The following CABLES2 variants were observed in gnomAD, a reference collection of about 807,000 sequenced individuals.
CABLES2 encodes the protein CDK5 and ABL1 enzyme substrate 2.
CABLES2 carries 35 observed loss-of-function variants against 44.8 expected under a neutral mutation model. That is an observed-to-expected ratio of 0.78 (90% confidence interval 0.60 to 1.04). The LOEUF is 1.04. Ranked by LOEUF, CABLES2 falls within the 50% of genes least tolerant of loss-of-function variation. The pLI is 0.00. For synonymous variants in CABLES2, 282 were observed against 281.1 expected, an observed-to-expected ratio of 1.00 and a Z score of -0.03; for missense variants, 566 against 615.7, an observed-to-expected ratio of 0.92 and a Z score of 0.85.
At position 62,391,851 on chromosome 20, in the gene CABLES2, G is replaced by A. The variant is rs542951270; in HGVS notation, c.1092-398C>T. 1.1e-4 allele frequency among the ~76,000 whole-genome samples: 16 copies of A among 152,110 alleles called. No individual in the cohort carries two copies. The highest frequency in any genetic ancestry group is 2.2e-4 in the African/African-American group (9 of 41,426). ...CCTCTGGAACACTGGGGCAGAGGCC[G>A]GCAGGGCAGGCCCCCAGTACAGGGC... On this transcript the variant is annotated intron_variant, in intron 8 of 9. Coordinates refer to ENST00000279101, the MANE Select transcript of CABLES2 (RefSeq NM_031215.3). The surrounding 1 kb of genome is among the most constrained non-coding windows in gnomAD (Gnocchi z 5.7).
Position 62,393,561 on chromosome 20 carries a change from G to T in CABLES2, c.759C>A (p.Val253=), listed in dbSNP as rs1020581039. The change falls in exon 6 of 10, where the codon GTC becomes GTA. Residue 253 remains valine (V), a synonymous_variant. Transcript: ENST00000279101. ...GGCCATGGCTGTCACTCTTGTGTGT[G>T]ACCAGGGCGTTGGTGGGATACAGGA... ...AKFLYPTNAL[V]THKSDSHGLL... is the part of the protein sequence containing the mutation. 2 of 1,611,550 alleles carry T rather than the reference G, an allele frequency of 1.2e-6. No homozygotes were observed. Among genetic ancestry groups the T allele is most frequent in the Non-Finnish European group, 8.5e-7 (1 of 1,178,670 alleles).
In CABLES2 at chr20:62,407,062, G is replaced by C. The variant is rs184691263; in HGVS notation, c.215C>G (p.Pro72Arg). The C allele has an allele frequency of 0.18, 195,080 of 1,080,170 alleles. 18,750 individuals are homozygous for C. The highest frequency in any genetic ancestry group is 0.2 in the Non-Finnish European group (175,756 of 891,124). The allele number at this position is 1,080,170 out of a possible 1,614,324, so 66.9% of individuals were successfully genotyped here. The change falls in exon 1 of 10, where the codon CCG becomes CGG. Residue 72 changes from proline (P) to arginine (R), a missense_variant. Physicochemically the swap from Pro to Arg is moderately radical, Grantham distance 103. Coordinates refer to ENST00000279101, the MANE Select transcript of CABLES2 (RefSeq NM_031215.3). ...PSLGPGGEKP[P>R]PPPAEAREPP... ...TTCGCGGGCCTCGGCGGGCGGCGGC[G>C]GGGGCTTCTCTCCGCCCGGGCCCAG...
chr20:62,394,718 C>T lies in CABLES2; in HGVS notation c.605+219G>A, dbSNP rs150122764. Among the ~76,000 whole-genome samples, 597 of 152,348 alleles carry T rather than the reference C, an allele frequency of 3.9e-3. 5 individuals carry two copies. The highest frequency in any genetic ancestry group is 0.014 in the African/African-American group (570 of 41,578). ...AGCCCAGCCACCTGTACATCGACAG[C>T]GTGAACAGAAACCGGCTCCTCTGGA... is the stretch of plus-strand genomic sequence containing the variant. On this transcript the variant is annotated intron_variant, in intron 4 of 9. Transcript: ENST00000279101.
At chr20:62,403,051 G>A (rs894666372) in intron 1 of CABLES2, 3 of 152,280 alleles carry the variant, frequency 2.0e-5, no homozygotes, top group Non-Finnish European at 2.9e-5. Flanking sequence ...GAAGCATCTC[G>A]GCACACACCC....
In CABLES2 at chr20:62,404,455, A is replaced by C. The variant is rs561257936; in HGVS notation, c.362+2460T>G. ...GACCAACATCAGGGCTGCCTTCAGG[A>C]CTTTCAGAATTCTCTCCATTTCCTG... On this transcript the variant is annotated intron_variant, in intron 1 of 9. Transcript: ENST00000279101. 6 of 152,444 alleles carry C rather than the reference A, an allele frequency of 3.9e-5. No homozygotes were observed. The East Asian group carries it at 1.2e-3, about 29-fold the overall frequency. The allele number at this position is 152,444 out of a possible 1,614,324, so 9.4% of individuals were successfully genotyped here. A position where few individuals can be genotyped will look rare whatever the true frequency, so the allele number is the denominator to read the frequency against.
Position 62,393,573 on chromosome 20 carries a change from G to A in CABLES2, c.747C>T (p.Thr249=). ...VVSYAKFLYP[T]NALVTHKSDS... ...CACTCTTGTGTGTGACCAGGGCGTT[G>A]GTGGGATACAGGAACTTCGCATAAG... is the stretch of plus-strand genomic sequence containing the variant. The change falls in exon 6 of 10, where the codon ACC becomes ACT. Residue 249 remains threonine, a synonymous_variant. Coordinates refer to ENST00000279101, the MANE Select transcript of CABLES2 (RefSeq NM_031215.3). 1 of 1,608,656 alleles carries A rather than the reference G, an allele frequency of 6.2e-7. No individual in the cohort carries two copies. The highest frequency in any genetic ancestry group is 1.1e-5 in the South Asian group (1 of 90,394).
chr20:62,392,580 T>A, intron 7 of CABLES2, 85 bp from the exon 8 acceptor site: 3 of 1,029,430 alleles, frequency 2.9e-6, no homozygotes, highest in Non-Finnish European at 4.6e-6. Flanking sequence ...TTTCTCACTG[T>A]CCTGGGTTTG....
At chr20:62,395,477 G>C (rs1220820748) in intron 3 of CABLES2, among the ~76,000 whole-genome samples, 1 of 152,260 alleles carries the variant, frequency 6.6e-6, no homozygotes, top group Non-Finnish European at 1.5e-5. Flanking sequence ...GCCTGATCCA[G>C]GTCCACAGAG....
At chr20:62,397,980 ATGG>A (rs1569017266) in intron 1 of CABLES2, among the ~76,000 whole-genome samples, 1 of 97,018 alleles carries the variant, frequency 1.0e-5, no homozygotes, top group Middle Eastern at 4.9e-3. Flanking sequence ...GACAGTGGTG[ATGG>A]CGGTGGTGGT....
chr20:62,392,632 G>C, intron 7 of CABLES2, 137 bp from the exon 8 acceptor site: 1 of 707,840 alleles, frequency 1.4e-6, no homozygotes, highest in Non-Finnish European at 2.5e-6. Flanking sequence ...CCGAATCTCT[G>C]AGAACAAAAT....
rs1988105836 is a variant in CABLES2, at chr20:62,398,185, TGATGGTG to T, written c.363-1600_363-1594del. Among the ~76,000 whole-genome samples the T allele has an allele frequency of 7.9e-5, 6 of 75,638 alleles. No individual in the cohort carries two copies. The East Asian group carries it at 1.0e-3, about 13-fold the overall frequency. The allele number at this position is 75,638 out of a possible 152,430, so 49.6% of individuals were successfully genotyped here. On this transcript the variant is annotated intron_variant, in intron 1 of 9. Coordinates refer to ENST00000279101, the MANE Select transcript of CABLES2 (RefSeq NM_031215.3). ...GTGATGGTGGTAATGGTGGTGGTGG[TGATGGTG>T]ATGATGGTGGTGATGGTGATGTGAT...
chr20:62,398,106 A>ATGGTGGTGGTGGTGG (rs1169956607), intron 1 of CABLES2, among the ~76,000 whole-genome samples: 1 of 48,776 alleles, frequency 2.1e-5, no homozygotes, highest in Non-Finnish European at 4.1e-5. Flanking sequence ...GGTGGTGGTG[A>ATGGTGGTGGTGGTGG]TGGTGGTGGT....
chr20:62,397,962 ATGGTGGTGACAGTGGTGATGG>A (rs1988060709), intron 1 of CABLES2, among the ~76,000 whole-genome samples: 1 of 75,050 alleles, frequency 1.3e-5, no homozygotes, highest in Non-Finnish European at 2.6e-5. Flanking sequence ...AGTGGTGGTG[ATGGTGGTGACAGTGGTGATGG>A]CGGTGGTGGT....
intron 7 of CABLES2, 26 bp from the exon 8 acceptor site, chr20:62,392,521 G>A (rs891402982): frequency 1.9e-6 from 3 of 1,548,792 alleles, no homozygotes; most frequent in Admixed American, 3.3e-5. Flanking sequence ...GGCAGGGTTG[G>A]GCCGGCCCCT....
rs1022432197 is a variant in CABLES2 at position 62,391,837 on chromosome 20, CTG to C, written c.1092-386_1092-385del. ...ATTGAGTGAGCTGCCCTCTGGAACACTGGGGCAGAGGCCGGCAGGGCAGGCCC... is the reference window on the plus strand; with the variant it reads ...ATTGAGTGAGCTGCCCTCTGGAACACGGGCAGAGGCCGGCAGGGCAGGCCC... On this transcript the variant is annotated intron_variant, in intron 8 of 9. Transcript: ENST00000279101. This position sits in a 1 kb window ranked among gnomAD's most constrained non-coding sequence, Gnocchi z 5.7. Among the ~76,000 whole-genome samples the C allele has an allele frequency of 1.1e-4, 16 of 152,036 alleles. No homozygotes were observed. The highest frequency in any genetic ancestry group is 2.2e-4 in the Non-Finnish European group (15 of 67,988).
At chr20:62,399,142 G>T (rs182010423) in intron 1 of CABLES2, among the ~76,000 whole-genome samples, 178 of 152,280 alleles carry the variant, frequency 1.2e-3, no homozygotes, top group African/African-American at 4.1e-3. Context: ...TAGAGATGGG[G>T]TTTCACCATA....
At chr20:62,399,843 C>T (rs893669609) in intron 1 of CABLES2, among the ~76,000 whole-genome samples, 12 of 152,132 alleles carry the variant, frequency 7.9e-5, no homozygotes, top group African/African-American at 2.4e-4. Context: ...ATCCGCTGGC[C>T]TCGGCCTCCC....
At position 62,398,196 on chromosome 20, in the gene CABLES2, A is replaced by ATGGTGGTGATGG. The variant is rs1601476406; in HGVS notation, c.363-1616_363-1605dup. 7.3e-5 allele frequency among the ~76,000 whole-genome samples: 5 copies of ATGGTGGTGATGG among 68,364 alleles called. No individual in the cohort carries two copies. In the East Asian group the frequency reaches 2.0e-3, roughly 28 times the overall value. 44.8% of individuals were successfully genotyped at this position (68,364 alleles called of 152,430 possible). On this transcript the variant is annotated intron_variant, in intron 1 of 9. Coordinates refer to ENST00000279101, the MANE Select transcript of CABLES2 (RefSeq NM_031215.3). Reference sequence around the variant, plus strand: ...AATGGTGGTGGTGGTGATGGTGATGATGGTGGTGATGGTGATGTGATGGTG... The same window carrying ATGGTGGTGATGG: ...AATGGTGGTGGTGGTGATGGTGATGATGGTGGTGATGGTGGTGGTGATGGTGATGTGATGGTG...
At position 62,396,587 on chromosome 20, in the gene CABLES2, C is replaced by T. The variant is rs774214864; in HGVS notation, c.368G>A (p.Arg123Gln). 9.9e-6 allele frequency: 16 copies of T among 1,611,576 alleles called. No individual in the cohort carries two copies. Among genetic ancestry groups the T allele is most frequent in the East Asian group, 6.7e-5 (3 of 44,790 alleles). Residue 123 changes from arginine (R) to glutamine (Q), a missense_variant, in exon 2 of 10, where the codon CGA becomes CAA. By Grantham distance (43) the Arg-to-Gln change is conservative. This residue lies in a region of CABLES2 where 436 missense variants were observed against 536.3 expected (regional missense o/e 0.81). Transcript: ENST00000279101. The surrounding 1 kb of genome is among the most constrained non-coding windows in gnomAD (Gnocchi z 5.7). ...CAGGGAGCAGCGCTGGGACGTGACT[C>T]GCTTCCTGCAAGATGACAATGGAGC... ...LGLDGQRQRKRVTSQRCSLEF... is the reference protein window; with the variant it reads ...LGLDGQRQRKQVTSQRCSLEF...
Sources: gnomAD v4.1 joint callset for allele counts (sites outside exome capture counted in the v4.1 genomes callset) on GRCh38, gnomAD v4.1.1 for gene constraint, gnomAD v4.1.1 regional missense constraint, Gnocchi (gnomAD v3.1) non-coding constraint, MANE v1.5 for transcripts, NCBI Gene and HGNC (gene_info 2026-07-23, HGNC 2026-07-21) for gene names.